The following BRCC3 variants were observed in gnomAD, a reference collection of about 807,000 sequenced individuals.
The protein encoded by BRCC3 is lys-63-specific deubiquitinase BRCC36.
Under a neutral mutation model 28.0 loss-of-function variants are expected in BRCC3, and 15 were observed. The observed-to-expected ratio is 0.54, with a 90% CI of 0.36 to 0.82. BRCC3 has a LOEUF of 0.82. Among genes scored for constraint, BRCC3 ranks in the 40% least tolerant of loss-of-function variants. BRCC3 has a pLI of 0.01. For missense variants in BRCC3, 109 were observed against 225.9 expected (o/e 0.48, Z 3.32); for synonymous variants, 66 against 80.3 (o/e 0.82, Z 0.95).
intron 7 of BRCC3, among the ~76,000 whole-genome samples, chrX:155,102,351 G>A (rs1470282563): frequency 1.8e-5 from 2 of 111,743 alleles, no homozygotes; most frequent in Non-Finnish European, 3.8e-5. Context: ...TTATATTATT[G>A]TAAATGTGAT....
In BRCC3 at chrX:155,090,767, CT is replaced by C; in HGVS notation, c.493-11del. 1 of 1,168,388 alleles carries C rather than the reference CT, an allele frequency of 8.6e-7. No homozygotes were observed. The highest frequency in any genetic ancestry group is 1.2e-6 in the Non-Finnish European group (1 of 863,683). Reference sequence around the variant, plus strand: ...TTCTTTGTGTGATATTTCTTTCTTTCTTTTTTCCTTTGATAGACTGGCCGGG... The same window carrying C: ...TTCTTTGTGTGATATTTCTTTCTTTCTTTTTCCTTTGATAGACTGGCCGGG... On this transcript the variant is annotated splice_polypyrimidine_tract_variant and intron_variant, in intron 6 of 10. Coordinates refer to ENST00000330045, the MANE Select transcript of BRCC3 (RefSeq NM_001018055.3).
At chrX:155,098,557 C>T (rs187057436) in intron 7 of BRCC3, among the ~76,000 whole-genome samples, 28 of 112,086 alleles carry the variant, frequency 2.5e-4, no homozygotes, top group African/African-American at 9.1e-4. Flanking sequence ...TTGTAAATCA[C>T]GTTTTATTGG....
chrX:155,093,744 C>T (rs1218084005), intron 7 of BRCC3, among the ~76,000 whole-genome samples: 1 of 108,527 alleles, frequency 9.2e-6, no homozygotes, highest in Non-Finnish European at 1.9e-5. Context: ...TTTGATAATT[C>T]CTCCCTGTTT....
chrX:155,072,784 C>G (rs1435672433), intron 2 of BRCC3, among the ~76,000 whole-genome samples: 1 of 109,823 alleles, frequency 9.1e-6, no homozygotes, highest in Non-Finnish European at 1.9e-5. Flanking sequence ...GTCTCGAACT[C>G]CTGGCTCAAG....
chrX:155,105,271 T>A (rs782071716), intron 7 of BRCC3, among the ~76,000 whole-genome samples: 185 of 111,506 alleles, frequency 1.7e-3, no homozygotes, highest in Non-Finnish European at 2.4e-3. Flanking sequence ...TCACTTGAGG[T>A]CAGGAGTTCG....
intron 2 of BRCC3, among the ~76,000 whole-genome samples, chrX:155,072,739 T>C (rs1372943721): frequency 9.1e-6 from 1 of 109,706 alleles, no homozygotes; most frequent in Admixed American, 9.7e-5. Context: ...CTTTTTTTTT[T>C]GTACAGACGG....
In BRCC3 at chrX:155,096,914, G is replaced by T. The variant is rs1014099433; in HGVS notation, c.548+6075G>T. 3.6e-5 allele frequency among the ~76,000 whole-genome samples: 4 copies of T among 112,331 alleles called. No homozygotes were observed. In the East Asian group the frequency reaches 1.1e-3, roughly 31 times the overall value. On this transcript the variant is annotated intron_variant, in intron 7 of 10. Transcript: ENST00000330045. ...AGGAATATTCAATGGGAAAAGGATA[G>T]TCTCTTCAATAAATGATGTTGGGGA... is the stretch of plus-strand genomic sequence containing the variant.
intron 4 of BRCC3, 57 bp from the exon 5 acceptor site, chrX:155,078,559 C>A: frequency 1.2e-6 from 1 of 819,456 alleles, no homozygotes; most frequent in Non-Finnish European, 1.8e-6. Context: ...CTTTCTGAGC[C>A]CTTATTAGCA....
chrX:155,081,222 T>C lies in BRCC3; in HGVS notation c.403+2519T>C, dbSNP rs782412049. Among the ~76,000 whole-genome samples the C allele has an allele frequency of 6.5e-5, 7 of 107,951 alleles. No homozygotes were observed. The South Asian group carries it at 2.4e-3, about 37-fold the overall frequency. 93.7% of individuals were successfully genotyped at this position (107,951 alleles called of 115,157 possible). A position where few individuals can be genotyped will look rare whatever the true frequency, so the allele number is the denominator to read the frequency against. On this transcript the variant is annotated intron_variant, in intron 5 of 10. Transcript: ENST00000330045. ...GGCGGGTGCCTGTAATCCAAGTTACTGGGGAGGCTAAGGCAGGAGAATTCA... is the reference window on the plus strand; with the variant it reads ...GGCGGGTGCCTGTAATCCAAGTTACCGGGGAGGCTAAGGCAGGAGAATTCA...
chrX:155,093,859 G>C (rs2055160257), intron 7 of BRCC3, among the ~76,000 whole-genome samples: 1 of 107,872 alleles, frequency 9.3e-6, no homozygotes, highest in South Asian at 4.1e-4. Context: ...CTTTTATTTT[G>C]TTCTAGTTTC....
At chrX:155,115,047 G>A (rs1341349618) in intron 7 of BRCC3, among the ~76,000 whole-genome samples, 1 of 111,985 alleles carries the variant, frequency 8.9e-6, no homozygotes, top group African/African-American at 3.3e-5. Flanking sequence ...AACCCTGGGA[G>A]GCTGGAAGAT....
At chrX:155,116,594 T>G in intron 8 of BRCC3, 117 bp from the exon 9 acceptor site, 1 of 426,569 alleles carries the variant, frequency 2.3e-6, no homozygotes, top group Non-Finnish European at 4.0e-6. Flanking sequence ...GAAGTTGATA[T>G]TGGGGATTTA....
At chrX:155,117,937 A>G (rs192101317) in intron 9 of BRCC3, among the ~76,000 whole-genome samples, 1 of 111,685 alleles carries the variant, frequency 9.0e-6, no homozygotes, top group East Asian at 2.8e-4. Flanking sequence ...TTGGGGGAAA[A>G]TAGATTCCTA....
At chrX:155,083,852 G>T (rs1431577276) in intron 5 of BRCC3, among the ~76,000 whole-genome samples, 11 of 112,515 alleles carry the variant, frequency 9.8e-5, no homozygotes, top group African/African-American at 2.3e-4. Flanking sequence ...ATACTTCCCA[G>T]CTAATCACGA....
At chrX:155,102,403 G>C (rs1557296971) in intron 7 of BRCC3, among the ~76,000 whole-genome samples, 1 of 111,872 alleles carries the variant, frequency 8.9e-6, no homozygotes, top group Non-Finnish European at 1.9e-5. Flanking sequence ...CTATATAAAA[G>C]TACAATTCAT....
chrX:155,089,628 C>T (rs781918042), intron 6 of BRCC3, among the ~76,000 whole-genome samples: 1 of 111,670 alleles, frequency 9.0e-6, no homozygotes, highest in East Asian at 2.8e-4. Flanking sequence ...GGTGTGGCTG[C>T]AGCAGAGTGA....
intron 7 of BRCC3, 137 bp from the exon 8 acceptor site, chrX:155,115,920 T>C: frequency 1.6e-6 from 1 of 606,601 alleles, no homozygotes. Context: ...CACTTTGAAG[T>C]TGCATCACTA....
chrX:155,092,015 TAATA>T (rs2074178556), intron 7 of BRCC3, among the ~76,000 whole-genome samples: 1 of 112,424 alleles, frequency 8.9e-6, no homozygotes, highest in African/African-American at 3.2e-5. Flanking sequence ...GAAGGGCTTA[TAATA>T]AATAGTTTCA....
rs1421823204 is a variant in BRCC3, at chrX:155,114,557, T to G, written c.549-1500T>G. Reference sequence around the variant, plus strand: ...TGAACTGTACACTTAAAATGGTTGATAGTAAATTTTATTTTTTTAACCACA... The same window carrying G: ...TGAACTGTACACTTAAAATGGTTGAGAGTAAATTTTATTTTTTTAACCACA... On this transcript the variant is annotated intron_variant, in intron 7 of 10. Coordinates refer to ENST00000330045, the MANE Select transcript of BRCC3 (RefSeq NM_001018055.3). Among the ~76,000 whole-genome samples, 3 of 109,285 alleles carry G rather than the reference T, an allele frequency of 2.7e-5. No individual in the cohort carries two copies. In the South Asian group the frequency reaches 1.2e-3, roughly 43 times the overall value. 94.9% of individuals were successfully genotyped at this position (109,285 alleles called of 115,157 possible).
Sources: gnomAD v4.1 joint callset for allele counts (sites outside exome capture counted in the v4.1 genomes callset) on GRCh38, gnomAD v4.1.1 for gene constraint, MANE v1.5 for transcripts, NCBI Gene and HGNC (gene_info 2026-07-23, HGNC 2026-07-21) for gene names.